CISTR: variants seen among roughly 807,000 people sequenced by gnomAD.
CISTR encodes the protein chondrogenic regulator lncRNA.
intron 2 of CISTR, among the ~76,000 whole-genome samples, chr12:53,749,702 C>T (rs1201483770): frequency 6.6e-6 from 1 of 152,124 alleles, no homozygotes; most frequent in Non-Finnish European, 1.5e-5. Flanking sequence ...TTAGAGCCTG[C>T]AGTATAGCTC....
At position 53,756,726 on chromosome 12, in the gene CISTR, A is replaced by ATATGTGTGTGTGTGTGTG. The variant is rs1555168530; in HGVS notation, n.414+87_414+88insCACACACACACACACATA. ...AGTCAGAGTGGGCTGTGGGTCAGTG[A>ATATGTGTGTGTGTGTGTG]TGTGTGTGTGTGTGTGTGTGTGTGT... On this transcript the variant is annotated intron_variant and non_coding_transcript_variant, in intron 1 of 2. Transcript: ENST00000669269. This position sits in a 1 kb window ranked among gnomAD's most constrained non-coding sequence, Gnocchi z 4.0. 7.6e-5 allele frequency: 10 copies of ATATGTGTGTGTGTGTGTG among 132,392 alleles called. No individual in the cohort carries two copies. The highest frequency in any genetic ancestry group is 1.3e-4 in the Non-Finnish European group (8 of 63,638). The allele number at this position is 132,392 out of a possible 1,614,324, so 8.2% of individuals were successfully genotyped here.
chr12:53,749,851 G>A (rs1937826817), intron 2 of CISTR, among the ~76,000 whole-genome samples: 1 of 152,190 alleles, frequency 6.6e-6, no homozygotes, highest in South Asian at 2.1e-4. Context: ...TAAAAAGAAG[G>A]TGAAAATGGG....
intron 1 of CISTR, among the ~76,000 whole-genome samples, chr12:53,752,107 A>C (rs1937859292): frequency 6.7e-6 from 1 of 149,274 alleles, no homozygotes; most frequent in South Asian, 2.1e-4. Context: ...CGCTGCCTAC[A>C]CCCCCTTGGG....
chr12:53,753,052 T>TCTCA lies in CISTR; in HGVS notation n.415-2088_415-2087insTGAG, dbSNP rs1442599901. On this transcript the variant is annotated intron_variant and non_coding_transcript_variant, in intron 1 of 2. Transcript: ENST00000669269. ...ATCATACTTCTCTCCCATCTATACA[T>TCTCA]CACACACACACACACACACACACAC... Among the ~76,000 whole-genome samples, 494 of 121,320 alleles carry TCTCA rather than the reference T, an allele frequency of 4.1e-3. 6 individuals carry two copies. Among genetic ancestry groups the TCTCA allele is most frequent in the African/African-American group, 0.01 (339 of 32,638 alleles). The allele number at this position is 121,320 out of a possible 152,430, so 79.6% of individuals were successfully genotyped here.
In CISTR at chr12:53,756,221, C is replaced by T. The variant is rs1407280510; in HGVS notation, n.414+593G>A. Among the ~76,000 whole-genome samples, 1 of 152,126 alleles carries T rather than the reference C, an allele frequency of 6.6e-6. No homozygotes were observed. Among genetic ancestry groups the T allele is most frequent in the Non-Finnish European group, 1.5e-5 (1 of 68,026 alleles). ...GCCTTCCCTCCATGTACTCTTCTAC[C>T]ATCCCCTTTTCTGGCTCTCGAGGTA... On this transcript the variant is annotated intron_variant and non_coding_transcript_variant, in intron 1 of 2. Transcript: ENST00000669269. This position sits in a 1 kb window ranked among gnomAD's most constrained non-coding sequence, Gnocchi z 4.0.
At chr12:53,750,309 A>C (rs1005925760) in intron 2 of CISTR, 1 of 152,670 alleles carries the variant, frequency 6.6e-6, no homozygotes, top group African/African-American at 2.4e-5. Context: ...GGAGAAGAGC[A>C]GGAGTACCTC....
chr12:53,753,058 A>T (rs879530021), intron 1 of CISTR, among the ~76,000 whole-genome samples: 80 of 118,660 alleles, frequency 6.7e-4, no homozygotes, highest in Admixed American at 4.5e-3. Flanking sequence ...TACATCACAC[A>T]CACACACACA....
At chr12:53,750,787 G>T (rs1163675279) in exon 2 of CISTR, 1 of 153,236 alleles carries the variant, frequency 6.5e-6, no homozygotes, top group Non-Finnish European at 1.5e-5. Flanking sequence ...TACGTGTGGC[G>T]AAGGGCAGCG....
Position 53,756,726 on chromosome 12 carries a change from A to ATGTGTGTGTGTGTG in CISTR, n.414+74_414+87dup, listed in dbSNP as rs35849779. ...AGTCAGAGTGGGCTGTGGGTCAGTG[A>ATGTGTGTGTGTGTG]TGTGTGTGTGTGTGTGTGTGTGTGT... On this transcript the variant is annotated intron_variant and non_coding_transcript_variant, in intron 1 of 2. Coordinates refer to ENST00000669269, the Ensembl canonical transcript of CISTR. This position sits in a 1 kb window ranked among gnomAD's most constrained non-coding sequence, Gnocchi z 4.0. The ATGTGTGTGTGTGTG allele has an allele frequency of 0.23, 30,034 of 131,780 alleles. 3,752 individuals carry two copies. Among genetic ancestry groups the ATGTGTGTGTGTGTG allele is most frequent in the Non-Finnish European group, 0.25 (16,121 of 63,370 alleles). The allele number at this position is 131,780 out of a possible 1,614,324, so 8.2% of individuals were successfully genotyped here.
At chr12:53,748,418 T>C (rs1422637042) in intron 2 of CISTR, among the ~76,000 whole-genome samples, 1 of 150,594 alleles carries the variant, frequency 6.6e-6, no homozygotes, top group Non-Finnish European at 1.5e-5. Context: ...ATGGACAGAG[T>C]GGGACCCATA....
At chr12:53,747,351 C>T (rs1007070700) in intron 2 of CISTR, among the ~76,000 whole-genome samples, 6 of 152,184 alleles carry the variant, frequency 3.9e-5, no homozygotes, top group Admixed American at 3.3e-4. Flanking sequence ...AATCCCCTCC[C>T]ACCCACCAGG....
chr12:53,756,241 G>A lies in CISTR; in HGVS notation n.414+573C>T, dbSNP rs991586722. Among the ~76,000 whole-genome samples, 1 of 152,096 alleles carries A rather than the reference G, an allele frequency of 6.6e-6. No individual in the cohort carries two copies. Among genetic ancestry groups the A allele is most frequent in the East Asian group, 1.9e-4 (1 of 5,186 alleles). On this transcript the variant is annotated intron_variant and non_coding_transcript_variant, in intron 1 of 2. Coordinates refer to ENST00000669269, the Ensembl canonical transcript of CISTR. The surrounding 1 kb of genome is among the most constrained non-coding windows in gnomAD (Gnocchi z 4.0). ...TCTACCATCCCCTTTTCTGGCTCTC[G>A]AGGTAAGTTCTTTGGGGATGAAGCA...
intron 1 of CISTR, among the ~76,000 whole-genome samples, chr12:53,752,535 G>A (rs899419202): frequency 6.6e-6 from 1 of 152,180 alleles, no homozygotes; most frequent in African/African-American, 2.4e-5. Flanking sequence ...GGGAATTAGC[G>A]CTGTGATAAC....
At chr12:53,747,763 G>C (rs927143263) in intron 2 of CISTR, among the ~76,000 whole-genome samples, 1 of 152,110 alleles carries the variant, frequency 6.6e-6, no homozygotes, top group African/African-American at 2.4e-5. Flanking sequence ...GGTGCTATGA[G>C]GGGATAAAAG....
chr12:53,752,159 T>TGCCGCC (rs1233643954), intron 1 of CISTR, among the ~76,000 whole-genome samples: 10 of 152,034 alleles, frequency 6.6e-5, no homozygotes, highest in East Asian at 1.9e-4. Flanking sequence ...CTCTGCCCGC[T>TGCCGCC]GCCGCCGCCG....
intron 1 of CISTR, among the ~76,000 whole-genome samples, chr12:53,753,145 C>T (rs1937878103): frequency 6.6e-6 from 1 of 151,608 alleles, no homozygotes; most frequent in Admixed American, 6.6e-5. Context: ...AAAGTGTGGG[C>T]CTGGAATTCT....
At chr12:53,748,390 C>T (rs1041269850) in intron 2 of CISTR, among the ~76,000 whole-genome samples, 13 of 152,014 alleles carry the variant, frequency 8.6e-5, no homozygotes, top group African/African-American at 3.1e-4. Flanking sequence ...CAGAAAGACC[C>T]AGTAAATTGA....
At chr12:53,754,873 G>A (rs1455933006) in intron 1 of CISTR, among the ~76,000 whole-genome samples, 2 of 152,152 alleles carry the variant, frequency 1.3e-5, no homozygotes, top group Non-Finnish European at 2.9e-5. Flanking sequence ...TGATTTATAT[G>A]CTGAATTTTT....
chr12:53,753,676 GTGTGTGTGTGTGTGTGTGTGTGTGTGTA>G (rs1440896948), intron 1 of CISTR, among the ~76,000 whole-genome samples: 2 of 149,346 alleles, frequency 1.3e-5, no homozygotes, highest in East Asian at 3.9e-4. Context: ...GTGTGTGTGT[GTGTGTGTGTGTGTGTGTGTGTGTGTGTA>G]TGTGTGTGTG....
Sources: gnomAD v4.1 joint callset for allele counts (sites outside exome capture counted in the v4.1 genomes callset) on GRCh38, gnomAD v4.1.1 for gene constraint, Gnocchi (gnomAD v3.1) non-coding constraint, MANE v1.5 for transcripts, NCBI Gene and HGNC (gene_info 2026-07-23, HGNC 2026-07-21) for gene names.